KRTAP15-1: variants seen among roughly 807,000 people sequenced by gnomAD.
The protein encoded by KRTAP15-1 is keratin-associated protein 15-1.
For missense variants in KRTAP15-1, 181 were observed against 156.8 expected (o/e 1.15, Z -0.83); for synonymous variants, 65 against 59.6 (o/e 1.09, Z -0.42).
chr21:30,440,841 C>T lies in KRTAP15-1; in HGVS notation c.*100C>T. 1 of 1,143,784 alleles carries T rather than the reference C, an allele frequency of 8.7e-7. No individual in the cohort carries two copies. The highest frequency in any genetic ancestry group is 1.3e-6 in the Non-Finnish European group (1 of 792,564). The allele number at this position is 1,143,784 out of a possible 1,614,324, so 70.9% of individuals were successfully genotyped here. A position where few individuals can be genotyped will look rare whatever the true frequency, so the allele number is the denominator to read the frequency against. ...TATGGAACTGCAACACTCAGCCTGT[C>T]CAATATCTGTGATTGTTGACCATCT... On this transcript the variant is annotated 3_prime_UTR_variant, in exon 1 of 1. Coordinates refer to ENST00000334067, the MANE Select transcript of KRTAP15-1 (RefSeq NM_181623.3).
In KRTAP15-1 at chr21:30,440,359, C is replaced by T. The variant is rs1568851403; in HGVS notation, c.32C>T (p.Ser11Phe). MSYNCSSGNF[S>F]SCCFGSYLRY... ...TACAACTGCAGCTCTGGAAACTTCT[C>T]CTCCTGCTGTTTTGGAAGTTACCTG... Residue 11 changes from serine to phenylalanine, a missense_variant, in exon 1 of 1, where the codon TCC (serine) becomes TTC (phenylalanine). Transcript: ENST00000334067. 1 of 1,611,420 alleles carries T rather than the reference C, an allele frequency of 6.2e-7. No homozygotes were observed. The highest frequency in any genetic ancestry group is 8.5e-7 in the Non-Finnish European group (1 of 1,178,648).
In KRTAP15-1 at chr21:30,440,754, T is replaced by C. The variant is rs763346243; in HGVS notation, c.*13T>C. Reference sequence around the variant, plus strand: ...AACTTGTTACTAACCAGCCTTTGGGTCTCGCCTTTTTGGATCATCTTACTG... The same window carrying C: ...AACTTGTTACTAACCAGCCTTTGGGCCTCGCCTTTTTGGATCATCTTACTG... On this transcript the variant is annotated 3_prime_UTR_variant, in exon 1 of 1. Transcript: ENST00000334067. The C allele has an allele frequency of 1.9e-6, 3 of 1,598,174 alleles. No homozygotes were observed. Among genetic ancestry groups the C allele is most frequent in the Non-Finnish European group, 2.6e-6 (3 of 1,172,822 alleles).
Position 30,440,304 on chromosome 21 carries a change from C to A in KRTAP15-1, c.-24C>A. 1 of 1,576,342 alleles carries A rather than the reference C, an allele frequency of 6.3e-7. No homozygotes were observed. The highest frequency in any genetic ancestry group is 1.2e-5 in the South Asian group (1 of 82,688). The stretch of plus-strand genomic sequence containing the variant: ...CACACACGCTCCTCACTGCAAATCA[C>A]CTGAGCTCAGAACTCCTGTTAACAT... On this transcript the variant is annotated 5_prime_UTR_variant, in exon 1 of 1. Transcript: ENST00000334067.
rs142344677 is a variant in KRTAP15-1 at position 30,440,736 on chromosome 21, T to C, written c.409T>C (p.Tyr137His). 201 of 1,611,640 alleles carry C rather than the reference T, an allele frequency of 1.2e-4. No homozygotes were observed. Among genetic ancestry groups the C allele is most frequent in the Non-Finnish European group, 1.6e-4 (187 of 1,178,744 alleles). ...ATCCAGGAATTTCCAGGCAACTTGT[T>C]ACTAACCAGCCTTTGGGTCTCGCCT... ...FSSRNFQATC[Y>H] Residue 137 changes from tyrosine (Y) to histidine (H), a missense_variant, in exon 1 of 1, where the codon TAC (tyrosine) becomes CAC (histidine). Tyr to His is a moderately conservative substitution (Grantham distance 83, BLOSUM62 2). Transcript: ENST00000334067.
chr21:30,440,690 C>T lies in KRTAP15-1; in HGVS notation c.363C>T (p.Phe121=). The T allele has an allele frequency of 6.2e-7, 1 of 1,614,176 alleles. No individual in the cohort carries two copies. The part of the protein sequence containing the change: ...GFQSLDCGSS[F]YHPTTFSSRN... ...AATCTCTGGACTGTGGGTCCAGCTT[C>T]TACCACCCAACTACCTTTTCATCCA... Residue 121 remains phenylalanine (F), a synonymous_variant, in exon 1 of 1, where the codon TTC becomes TTT. Transcript: ENST00000334067.
Position 30,440,639 on chromosome 21 carries a change from T to G in KRTAP15-1, c.312T>G (p.Ser104=), listed in dbSNP as rs1440248849. The G allele has an allele frequency of 1.2e-6, 2 of 1,614,206 alleles. No homozygotes were observed. Among genetic ancestry groups the G allele is most frequent in the South Asian group, 2.2e-5 (2 of 91,080 alleles). Reference sequence around the variant, plus strand: ...GATGTGGAAACACTGGCCTTGGATCTCTTGGTTGTGGAAGCACTGGCTTCC... The same window carrying G: ...GATGTGGAAACACTGGCCTTGGATCGCTTGGTTGTGGAAGCACTGGCTTCC... The part of the protein sequence containing the change: ...SLGCGNTGLG[S]LGCGSTGFQS... Residue 104 remains serine, a synonymous_variant, in exon 1 of 1, where the codon TCT becomes TCG. Coordinates refer to ENST00000334067, the MANE Select transcript of KRTAP15-1 (RefSeq NM_181623.3).
chr21:30,440,796 T>G lies in KRTAP15-1; in HGVS notation c.*55T>G. 1 of 1,493,576 alleles carries G rather than the reference T, an allele frequency of 6.7e-7. No homozygotes were observed. Among genetic ancestry groups the G allele is most frequent in the African/African-American group, 1.4e-5 (1 of 71,658 alleles). 92.5% of individuals were successfully genotyped at this position (1,493,576 alleles called of 1,614,324 possible). On this transcript the variant is annotated 3_prime_UTR_variant, in exon 1 of 1. Coordinates refer to ENST00000334067, the MANE Select transcript of KRTAP15-1 (RefSeq NM_181623.3). ...ATCTTACTGAATATTCTCCATTCTCTCATGATTATTTCTGTACTCTATGGA... is the reference window on the plus strand; with the variant it reads ...ATCTTACTGAATATTCTCCATTCTCGCATGATTATTTCTGTACTCTATGGA...
In KRTAP15-1 at chr21:30,440,631, C is replaced by G. The variant is rs1175257117; in HGVS notation, c.304C>G (p.Leu102Val). Residue 102 changes from leucine (L) to valine (V), a missense_variant, in exon 1 of 1, where the codon CTT becomes GTT. Physicochemically the swap from Leu to Val is conservative, Grantham distance 32. Transcript: ENST00000334067. ...ATCCCTTGGATGTGGAAACACTGGCCTTGGATCTCTTGGTTGTGGAAGCAC... is the reference window on the plus strand; with the variant it reads ...ATCCCTTGGATGTGGAAACACTGGCGTTGGATCTCTTGGTTGTGGAAGCAC... The part of the protein sequence containing the change: ...IRSLGCGNTG[L>V]GSLGCGSTGF... The G allele has an allele frequency of 1.2e-6, 2 of 1,614,174 alleles. No homozygotes were observed. Among genetic ancestry groups the G allele is most frequent in the East Asian group, 2.2e-5 (1 of 44,880 alleles).
In KRTAP15-1 at chr21:30,440,642, T is replaced by C; in HGVS notation, c.315T>C (p.Leu105=). The C allele has an allele frequency of 1.9e-6, 3 of 1,614,198 alleles. No homozygotes were observed. Among genetic ancestry groups the C allele is most frequent in the Non-Finnish European group, 2.5e-6 (3 of 1,180,012 alleles). The change falls in exon 1 of 1, where the codon CTT becomes CTC. Residue 105 remains leucine (L), a synonymous_variant. Coordinates refer to ENST00000334067, the MANE Select transcript of KRTAP15-1 (RefSeq NM_181623.3). ...LGCGNTGLGS[L]GCGSTGFQSL... ...GTGGAAACACTGGCCTTGGATCTCTTGGTTGTGGAAGCACTGGCTTCCAAT... is the reference window on the plus strand; with the variant it reads ...GTGGAAACACTGGCCTTGGATCTCTCGGTTGTGGAAGCACTGGCTTCCAAT...
At position 30,440,772 on chromosome 21, in the gene KRTAP15-1, T is replaced by A. The variant is rs756353121; in HGVS notation, c.*31T>A. ...CTTTGGGTCTCGCCTTTTTGGATCA[T>A]CTTACTGAATATTCTCCATTCTCTC... On this transcript the variant is annotated 3_prime_UTR_variant, in exon 1 of 1. Transcript: ENST00000334067. The A allele has an allele frequency of 6.4e-7, 1 of 1,566,512 alleles. No homozygotes were observed. Among genetic ancestry groups the A allele is most frequent in the South Asian group, 1.2e-5 (1 of 84,116 alleles).
At position 30,440,514 on chromosome 21, in the gene KRTAP15-1, A is replaced by G; in HGVS notation, c.187A>G (p.Thr63Ala). 1 of 1,614,206 alleles carries G rather than the reference A, an allele frequency of 6.2e-7. No homozygotes were observed. Among genetic ancestry groups the G allele is most frequent in the Non-Finnish European group, 8.5e-7 (1 of 1,180,026 alleles). The change falls in exon 1 of 1, where the codon ACA becomes GCA. Residue 63 changes from threonine to alanine, a missense_variant. Coordinates refer to ENST00000334067, the MANE Select transcript of KRTAP15-1 (RefSeq NM_181623.3). ...ETYCEPTSCQ[T>A]SCTLARSYQT... ...CTACTGTGAGCCCACCAGCTGCCAG[A>G]CATCCTGCACTTTGGCCAGATCCTA...
At position 30,440,614 on chromosome 21, in the gene KRTAP15-1, G is replaced by A; in HGVS notation, c.287G>A (p.Gly96Glu). The A allele has an allele frequency of 6.2e-7, 1 of 1,614,164 alleles. No homozygotes were observed. Among genetic ancestry groups the A allele is most frequent in the South Asian group, 1.1e-5 (1 of 91,086 alleles). Residue 96 changes from glycine to glutamate, a missense_variant, in exon 1 of 1, where the codon GGA becomes GAA. Transcript: ENST00000334067. The part of the protein sequence containing the change: ...PRQTNYIRSL[G>E]CGNTGLGSLG... ...CAGACTAACTACATAAGATCCCTTG[G>A]ATGTGGAAACACTGGCCTTGGATCT...
chr21:30,440,686 G>C lies in KRTAP15-1; in HGVS notation c.359G>C (p.Ser120Thr). The C allele has an allele frequency of 6.2e-7, 1 of 1,614,196 alleles. No individual in the cohort carries two copies. Among genetic ancestry groups the C allele is most frequent in the Non-Finnish European group, 8.5e-7 (1 of 1,180,020 alleles). The change falls in exon 1 of 1, where the codon AGC (serine) becomes ACC (threonine). Residue 120 changes from serine to threonine, a missense_variant. By Grantham distance (58) the Ser-to-Thr change is moderately conservative (BLOSUM62 1). Coordinates refer to ENST00000334067, the MANE Select transcript of KRTAP15-1 (RefSeq NM_181623.3). ...TTCCAATCTCTGGACTGTGGGTCCA[G>C]CTTCTACCACCCAACTACCTTTTCA... is the stretch of plus-strand genomic sequence containing the variant. Reference protein sequence around the residue: ...TGFQSLDCGSSFYHPTTFSSR... With the variant: ...TGFQSLDCGSTFYHPTTFSSR...
In KRTAP15-1 at chr21:30,440,527, T is replaced by C; in HGVS notation, c.200T>C (p.Leu67Ser). ...EPTSCQTSCT[L>S]ARSYQTSCYC... ...ACCAGCTGCCAGACATCCTGCACTT[T>C]GGCCAGATCCTATCAGACATCCTGT... is the stretch of plus-strand genomic sequence containing the variant. The change falls in exon 1 of 1, where the codon TTG becomes TCG. Residue 67 changes from leucine to serine, a missense_variant. Leu to Ser is a moderately radical substitution (Grantham distance 145, BLOSUM62 -2). Coordinates refer to ENST00000334067, the MANE Select transcript of KRTAP15-1 (RefSeq NM_181623.3). 3 of 1,614,230 alleles carry C rather than the reference T, an allele frequency of 1.9e-6. No homozygotes were observed. Among genetic ancestry groups the C allele is most frequent in the Non-Finnish European group, 2.5e-6 (3 of 1,180,036 alleles).
rs1377157030 is a variant in KRTAP15-1, at chr21:30,440,583, C to A, written c.256C>A (p.Pro86Thr). ...CCCAAAGAATTCCATCTTCTGCAGT[C>A]CCCGCCAGACTAACTACATAAGATC... ...YCPKNSIFCS[P>T]RQTNYIRSLG... The change falls in exon 1 of 1, where the codon CCC becomes ACC. Residue 86 changes from proline to threonine, a missense_variant. Transcript: ENST00000334067. The A allele has an allele frequency of 1.9e-6, 3 of 1,614,062 alleles. No individual in the cohort carries two copies. The highest frequency in any genetic ancestry group is 2.5e-6 in the Non-Finnish European group (3 of 1,180,046).
rs1448191545 is a variant in KRTAP15-1, at chr21:30,440,673, G to A, written c.346G>A (p.Asp116Asn). The A allele has an allele frequency of 6.2e-7, 1 of 1,614,148 alleles. No individual in the cohort carries two copies. The highest frequency in any genetic ancestry group is 2.2e-5 in the East Asian group (1 of 44,884). ...GCGSTGFQSLDCGSSFYHPTT... is the reference protein window; with the variant it reads ...GCGSTGFQSLNCGSSFYHPTT... ...TGGAAGCACTGGCTTCCAATCTCTG[G>A]ACTGTGGGTCCAGCTTCTACCACCC... Residue 116 changes from aspartate to asparagine, a missense_variant, in exon 1 of 1, where the codon GAC becomes AAC. Asp to Asn is a conservative substitution (Grantham distance 23, BLOSUM62 1). Coordinates refer to ENST00000334067, the MANE Select transcript of KRTAP15-1 (RefSeq NM_181623.3).
Position 30,440,446 on chromosome 21 carries a change from C to T in KRTAP15-1, c.119C>T (p.Thr40Ile), listed in dbSNP as rs779409161. The T allele has an allele frequency of 6.2e-7, 1 of 1,614,164 alleles. No homozygotes were observed. The highest frequency in any genetic ancestry group is 1.1e-5 in the South Asian group (1 of 91,076). ...AGCAATGCCATCTATTCTCCAAATA[C>T]CTGCCAACTGGGCTCCTCTCTCTAC... ...YPSNAIYSPN[T>I]CQLGSSLYNG... Residue 40 changes from threonine to isoleucine, a missense_variant, in exon 1 of 1, where the codon ACC (threonine) becomes ATC (isoleucine). Transcript: ENST00000334067.
In KRTAP15-1 at chr21:30,440,685, A is replaced by T; in HGVS notation, c.358A>T (p.Ser120Cys). 1 of 1,614,200 alleles carries T rather than the reference A, an allele frequency of 6.2e-7. No individual in the cohort carries two copies. Among genetic ancestry groups the T allele is most frequent in the East Asian group, 2.2e-5 (1 of 44,882 alleles). ...TGFQSLDCGS[S>C]FYHPTTFSSR... ...CTTCCAATCTCTGGACTGTGGGTCC[A>T]GCTTCTACCACCCAACTACCTTTTC... The change falls in exon 1 of 1, where the codon AGC becomes TGC. Residue 120 changes from serine (S) to cysteine (C), a missense_variant. By Grantham distance (112) the Ser-to-Cys change is moderately radical. Transcript: ENST00000334067.
Position 30,440,636 on chromosome 21 carries a change from A to G in KRTAP15-1, c.309A>G (p.Gly103=). 3 of 1,614,120 alleles carry G rather than the reference A, an allele frequency of 1.9e-6. No individual in the cohort carries two copies. Among genetic ancestry groups the G allele is most frequent in the Middle Eastern group, 3.3e-4 (2 of 6,062 alleles). The stretch of plus-strand genomic sequence containing the variant: ...TTGGATGTGGAAACACTGGCCTTGG[A>G]TCTCTTGGTTGTGGAAGCACTGGCT... ...RSLGCGNTGL[G]SLGCGSTGFQ... is the part of the protein sequence containing the mutation. The change falls in exon 1 of 1, where the codon GGA becomes GGG. Residue 103 remains glycine, a synonymous_variant. Transcript: ENST00000334067.
Sources: allele counts gnomAD v4.1 joint callset, GRCh38; gene constraint gnomAD v4.1.1; transcripts MANE v1.5; gene names NCBI Gene and HGNC (gene_info 2026-07-23, HGNC 2026-07-21).